SOX6: variants seen among roughly 807,000 people sequenced by gnomAD.
SOX6 encodes the protein SRY-box transcription factor 6, also known as transcription factor SOX-6.
Under a neutral mutation model 97.8 loss-of-function variants are expected in SOX6, and 11 were observed. The ratio of observed to expected loss-of-function variants is 0.11; its 90% CI spans 0.07 to 0.19. The LOEUF (loss-of-function observed/expected upper bound fraction) is 0.19. Among genes scored for constraint, SOX6 ranks in the 10% least tolerant of loss-of-function variants. The pLI is 1.00. For synonymous variants in SOX6, 360 were observed against 371.4 expected (o/e 0.97, Z 0.35); for missense variants, 810 against 1,039.5 (o/e 0.78, Z 3.04).
intron 6 of SOX6, among the ~76,000 whole-genome samples, chr11:16,181,559 CAAAAAAA>C (rs5789942): frequency 7.3e-6 from 1 of 137,680 alleles, no homozygotes. Context: ...TTTCCCCTTC[CAAAAAAA>C]AAAAAAAAGA....
chr11:16,167,463 A>G (rs1200605451), intron 6 of SOX6, among the ~76,000 whole-genome samples: 1 of 152,130 alleles, frequency 6.6e-6, no homozygotes, highest in East Asian at 1.9e-4. Flanking sequence ...TCAAAACCCA[A>G]GTCAGGGCAC....
intron 3 of SOX6, 112 bp from the exon 4 acceptor site, chr11:16,234,783 A>AGCTT (rs1487339607): frequency 1.7e-6 from 1 of 574,252 alleles, no homozygotes; most frequent in Non-Finnish European, 3.0e-6. Context: ...TTGTTGCTGT[A>AGCTT]GCTTGAACCC....
intron 6 of SOX6, among the ~76,000 whole-genome samples, chr11:16,129,112 C>T (rs1236599819): frequency 6.6e-6 from 1 of 151,568 alleles, no homozygotes; most frequent in African/African-American, 2.4e-5. Flanking sequence ...AGGTGATCTG[C>T]CCACCTTGGC....
chr11:16,563,518 C>T (rs1847837935), intron 4 of SOX6, among the ~76,000 whole-genome samples: 1 of 151,970 alleles, frequency 6.6e-6, no homozygotes, highest in Non-Finnish European at 1.5e-5. Flanking sequence ...TGGAAAGCAC[C>T]AAATCAGTGA....
intron 12 of SOX6, among the ~76,000 whole-genome samples, chr11:16,024,222 A>G (rs1163417289): frequency 6.6e-6 from 1 of 152,104 alleles, no homozygotes; most frequent in Non-Finnish European, 1.5e-5. Flanking sequence ...AGAAGAAATG[A>G]ACCTGCTAAC....
intron 6 of SOX6, among the ~76,000 whole-genome samples, chr11:16,144,643 C>T (rs538977895): frequency 1.5e-4 from 23 of 151,926 alleles, no homozygotes; most frequent in South Asian, 6.2e-4. Context: ...ATCAAATAGA[C>T]GCAATAAAAA....
chr11:16,248,374 T>C (rs917878151), intron 3 of SOX6, among the ~76,000 whole-genome samples: 6 of 152,114 alleles, frequency 3.9e-5, no homozygotes, highest in African/African-American at 1.4e-4. Flanking sequence ...GGGGTTCCAA[T>C]CCCACATTTT....
intron 12 of SOX6, among the ~76,000 whole-genome samples, chr11:16,038,283 T>G (rs1855568616): frequency 6.6e-6 from 1 of 152,142 alleles, no homozygotes; most frequent in Non-Finnish European, 1.5e-5. Context: ...ATGATTGTAC[T>G]TTACTGAATC....
At chr11:15,983,116 A>G (rs2119817486) in intron 15 of SOX6, among the ~76,000 whole-genome samples, 1 of 152,222 alleles carries the variant, frequency 6.6e-6, no homozygotes, top group East Asian at 1.9e-4. Flanking sequence ...TAGTTGGAGA[A>G]GCCAGATACA....
intron 1 of SOX6, among the ~76,000 whole-genome samples, chr11:16,420,049 C>A (rs1858995837): frequency 6.6e-6 from 1 of 152,118 alleles, no homozygotes; most frequent in Non-Finnish European, 1.5e-5. Context: ...TATATTCTAT[C>A]TTGAATAATG....
chr11:16,008,831 A>G (rs1332660682), intron 13 of SOX6, among the ~76,000 whole-genome samples: 9 of 152,070 alleles, frequency 5.9e-5, no homozygotes, highest in Admixed American at 5.9e-4. Flanking sequence ...GTTTTGTGAT[A>G]CTCATACAAC....
chr11:16,622,676 G>C (rs180835478), intron 3 of SOX6, among the ~76,000 whole-genome samples: 73 of 152,270 alleles, frequency 4.8e-4, no homozygotes, highest in African/African-American at 1.8e-3. Context: ...ACTGATGGGT[G>C]TTTGGGCTGG....
At chr11:16,186,029 G>A (rs1851464114) in intron 5 of SOX6, among the ~76,000 whole-genome samples, 1 of 152,030 alleles carries the variant, frequency 6.6e-6, no homozygotes, top group South Asian at 2.1e-4. Context: ...TACTCTATAG[G>A]ATCATTGTTA....
intron 12 of SOX6, among the ~76,000 whole-genome samples, chr11:16,025,078 A>C (rs907541707): frequency 6.6e-6 from 1 of 152,180 alleles, no homozygotes; most frequent in Non-Finnish European, 1.5e-5. Flanking sequence ...TATAGTGCTT[A>C]CTGAACCCCT....
chr11:16,380,084 T>C (rs1857766418), intron 1 of SOX6, among the ~76,000 whole-genome samples: 2 of 151,920 alleles, frequency 1.3e-5, no homozygotes, highest in Admixed American at 1.3e-4. Context: ...ACAAAAAGTG[T>C]ATATACCTTA....
chr11:16,153,719 C>T (rs1850521500), intron 6 of SOX6, among the ~76,000 whole-genome samples: 2 of 152,274 alleles, frequency 1.3e-5, no homozygotes, highest in Admixed American at 6.5e-5. Context: ...GTTGCCACTT[C>T]TGCCGAAATG....
chr11:16,440,486 A>C (rs10741698), intron 1 of SOX6, among the ~76,000 whole-genome samples: 28,217 of 152,106 alleles, frequency 0.19, 2,996 homozygotes, highest in Admixed American at 0.31. Flanking sequence ...AGAAACAACT[A>C]TCTTCATTTC....
At chr11:16,196,644 C>A (rs1851779783) in intron 4 of SOX6, among the ~76,000 whole-genome samples, 1 of 152,006 alleles carries the variant, frequency 6.6e-6, no homozygotes, top group African/African-American at 2.4e-5. Flanking sequence ...CTCTTCCATA[C>A]TCACTGTCAT....
At chr11:16,622,631 C>T (rs1350918701) in intron 3 of SOX6, among the ~76,000 whole-genome samples, 1 of 152,134 alleles carries the variant, frequency 6.6e-6, no homozygotes, top group African/African-American at 2.4e-5. Flanking sequence ...AGTATTCCAT[C>T]ATATATAAAC....
Sources: gnomAD v4.1 joint callset for allele counts (sites outside exome capture counted in the v4.1 genomes callset) on GRCh38, gnomAD v4.1.1 for gene constraint, MANE v1.5 for transcripts, NCBI Gene and HGNC (gene_info 2026-07-23, HGNC 2026-07-21) for gene names.